Variants in OSBPL10 observed in about 807,000 individuals in gnomAD.
OSBPL10 encodes the protein oxysterol-binding protein-related protein 10.
A neutral mutation model predicts 81.7 loss-of-function variants in OSBPL10; 49 were observed. That is an observed-to-expected ratio of 0.60 (90% CI 0.48 to 0.76). The LOEUF is 0.76. Among genes scored for constraint, OSBPL10 ranks in the 30% least tolerant of loss-of-function variants. The pLI is 0.00. For missense variants in OSBPL10, 923 were observed against 987.8 expected (o/e 0.93, Z 0.88); for synonymous variants, 419 against 383.6 (o/e 1.09, Z -1.08).
In OSBPL10 at chr3:31,949,667, C is replaced by CAAAAAAA. The variant is rs56002214; in HGVS notation, c.281+31225_281+31231dup. Among the ~76,000 whole-genome samples the CAAAAAAA allele has an allele frequency of 3.2e-3, 83 of 26,258 alleles. 15 individuals are homozygous for CAAAAAAA. Among genetic ancestry groups the CAAAAAAA allele is most frequent in the African/African-American group, 0.013 (78 of 6,062 alleles). 17.2% of individuals were successfully genotyped at this position (26,258 alleles called of 152,430 possible). A position where few individuals can be genotyped will look rare whatever the true frequency, so the allele number is the denominator to read the frequency against. ...TGGGCAACAGAGCAAGACTCTGTCT[C>CAAAAAAA]AAAAAAAAAAAAAAAAAAAAAAAAA... On this transcript the variant is annotated intron_variant, in intron 1 of 11. Transcript: ENST00000396556.
At chr3:31,783,119 A>T (rs1272416032) in intron 4 of OSBPL10, among the ~76,000 whole-genome samples, 120 of 20,170 alleles carry the variant, frequency 5.9e-3, no homozygotes, top group South Asian at 0.011. Context: ...TATTATATAT[A>T]TATATATATA....
intron 4 of OSBPL10, among the ~76,000 whole-genome samples, chr3:31,809,337 T>C (rs72861337): frequency 0.029 from 4,490 of 152,216 alleles, 196 homozygotes; most frequent in African/African-American, 0.091. Context: ...AAAAGTCTCA[T>C]TTGCAACAGC....
rs537960524 is a variant in OSBPL10, at chr3:31,695,166, G to A, written c.1245+7193C>T. Among the ~76,000 whole-genome samples the A allele has an allele frequency of 3.3e-5, 5 of 152,312 alleles. No individual in the cohort carries two copies. In the East Asian group the frequency reaches 9.6e-4, roughly 29 times the overall value. ...AATCCACTAGTTTTAGCCACAGTCT[G>A]CATCCCCCACCTTCTACCTACTCTC... is the stretch of plus-strand genomic sequence containing the variant. On this transcript the variant is annotated intron_variant, in intron 7 of 11. Coordinates refer to ENST00000396556, the MANE Select transcript of OSBPL10 (RefSeq NM_017784.5).
intron 4 of OSBPL10, among the ~76,000 whole-genome samples, chr3:31,767,675 C>T (rs1453022912): frequency 6.6e-6 from 1 of 152,168 alleles, no homozygotes; most frequent in Non-Finnish European, 1.5e-5. Context: ...TCCCCACTCC[C>T]ATAGCACCTG....
At chr3:31,831,193 G>A (rs570729885) in intron 3 of OSBPL10, among the ~76,000 whole-genome samples, 1 of 152,084 alleles carries the variant, frequency 6.6e-6, no homozygotes, top group Non-Finnish European at 1.5e-5. Context: ...GATCACCTGA[G>A]GTCAGGAGTT....
At chr3:31,788,323 A>G (rs190563678) in intron 4 of OSBPL10, among the ~76,000 whole-genome samples, 8 of 152,344 alleles carry the variant, frequency 5.3e-5, no homozygotes, top group Admixed American at 3.3e-4. Flanking sequence ...GAAGATAACT[A>G]TTATCAGTGT....
chr3:31,771,067 T>C (rs1698367340), intron 4 of OSBPL10, among the ~76,000 whole-genome samples: 1 of 152,178 alleles, frequency 6.6e-6, no homozygotes, highest in African/African-American at 2.4e-5. Context: ...CATAGGCTTA[T>C]CATGAGGAAT....
At chr3:31,966,181 G>A (rs1698396822) in intron 1 of OSBPL10, among the ~76,000 whole-genome samples, 1 of 139,372 alleles carries the variant, frequency 7.2e-6, no homozygotes, top group Non-Finnish European at 1.6e-5. Flanking sequence ...GTGTGTGTGT[G>A]TGTGTGTGTG....
At chr3:31,961,476 T>G (rs1425765714) in intron 1 of OSBPL10, among the ~76,000 whole-genome samples, 1 of 152,208 alleles carries the variant, frequency 6.6e-6, no homozygotes, top group Non-Finnish European at 1.5e-5. Context: ...GAACTCTATA[T>G]TTCCAATTTT....
At chr3:31,905,345 A>ATGTTTTTTTTTTTTTTTTTTT (rs1696373856) in intron 1 of OSBPL10, among the ~76,000 whole-genome samples, 1 of 94,860 alleles carries the variant, frequency 1.1e-5, no homozygotes, top group African/African-American at 4.7e-5. Flanking sequence ...GAACCTGGTG[A>ATGTTTTTTTTTTTTTTTTTTT]TTTTTTTTTT....
intron 1 of OSBPL10, among the ~76,000 whole-genome samples, chr3:31,882,235 T>A (rs1179668823): frequency 1.3e-5 from 2 of 152,232 alleles, no homozygotes; most frequent in Non-Finnish European, 2.9e-5. Flanking sequence ...ATTTTTAATA[T>A]TTCAGATGGT....
At chr3:31,911,763 C>T (rs755459614) in intron 1 of OSBPL10, among the ~76,000 whole-genome samples, 4 of 152,162 alleles carry the variant, frequency 2.6e-5, no homozygotes, top group Non-Finnish European at 4.4e-5. Flanking sequence ...CACCTCCTTT[C>T]GGAAGGAAAG....
intron 1 of OSBPL10, among the ~76,000 whole-genome samples, chr3:31,947,007 C>T (rs183007210): frequency 3.3e-5 from 5 of 152,056 alleles, no homozygotes; most frequent in Non-Finnish European, 5.9e-5. Context: ...ACAAATGAGA[C>T]GAGCAGTTAT....
At chr3:31,846,564 G>A (rs112678739) in intron 3 of OSBPL10, among the ~76,000 whole-genome samples, 3,236 of 152,072 alleles carry the variant, frequency 0.021, 110 homozygotes, top group African/African-American at 0.074. Context: ...CCTGGGAGGC[G>A]GAGGTTGCAG....
At position 31,661,376 on chromosome 3, in the gene OSBPL10, GA is replaced by G. The variant is rs1325473381; in HGVS notation, c.*695del. The stretch of plus-strand genomic sequence containing the variant: ...AATGAATGACTAGCGCTGTGACCAT[GA>G]GAGACGGGTGGAAAACTCCTTGGTG... On this transcript the variant is annotated 3_prime_UTR_variant, in exon 12 of 12. Coordinates refer to ENST00000396556, the MANE Select transcript of OSBPL10 (RefSeq NM_017784.5). The G allele has an allele frequency of 1.3e-5, 2 of 152,258 alleles. No individual in the cohort carries two copies. Among genetic ancestry groups the G allele is most frequent in the Non-Finnish European group, 2.9e-5 (2 of 68,062 alleles). 9.4% of individuals were successfully genotyped at this position (152,258 alleles called of 1,614,324 possible). A position where few individuals can be genotyped will look rare whatever the true frequency, so the allele number is the denominator to read the frequency against.
chr3:31,905,662 A>C (rs1175678290), intron 1 of OSBPL10, among the ~76,000 whole-genome samples: 1 of 152,058 alleles, frequency 6.6e-6, no homozygotes, highest in African/African-American at 2.4e-5. Flanking sequence ...AACCTAGTGA[A>C]TTCTCATCAC....
chr3:31,880,718 C>T (rs888789673), intron 1 of OSBPL10, among the ~76,000 whole-genome samples: 1 of 152,202 alleles, frequency 6.6e-6, no homozygotes, highest in Non-Finnish European at 1.5e-5. Flanking sequence ...TGCCACAGGA[C>T]CTTTGCACAT....
intron 11 of OSBPL10, chr3:31,662,574 A>G (rs1700094363): frequency 1.0e-6 from 1 of 997,782 alleles, no homozygotes; most frequent in Non-Finnish European, 1.2e-6. Context: ...AAGAAACACC[A>G]TCAATCAAAT....
At chr3:31,751,275 G>A (rs541001085) in intron 4 of OSBPL10, among the ~76,000 whole-genome samples, 1 of 152,138 alleles carries the variant, frequency 6.6e-6, no homozygotes, top group African/African-American at 2.4e-5. Context: ...TTGAGCCCAG[G>A]GGGTGGGGCT....
Sources: allele counts gnomAD v4.1 joint callset (sites outside exome capture counted in the v4.1 genomes callset), GRCh38; gene constraint gnomAD v4.1.1; transcripts MANE v1.5; gene names NCBI Gene and HGNC (gene_info 2026-07-23, HGNC 2026-07-21).